Variants in PRKCI observed in about 807,000 individuals in gnomAD.
The protein encoded by PRKCI is protein kinase C iota type.
PRKCI carries 43 observed loss-of-function variants against 84.0 expected under a neutral mutation model. The observed-to-expected ratio is 0.51, with a 90% confidence interval of 0.40 to 0.66. PRKCI has a LOEUF of 0.66. Among genes scored for constraint, PRKCI ranks in the 30% least tolerant of loss-of-function variants. The pLI is 0.00. For synonymous variants in PRKCI, 216 were observed against 234.4 expected (o/e 0.92, Z 0.72); for missense variants, 459 against 745.6 (o/e 0.62, Z 4.48).
In PRKCI at chr3:170,250,773, A is replaced by T. The variant is rs532838356; in HGVS notation, c.224-9196A>T. Among the ~76,000 whole-genome samples the T allele has an allele frequency of 2.6e-5, 4 of 152,268 alleles. No individual in the cohort carries two copies. The East Asian group carries it at 7.7e-4, about 29-fold the overall frequency. On this transcript the variant is annotated intron_variant, in intron 2 of 17. Coordinates refer to ENST00000295797, the MANE Select transcript of PRKCI (RefSeq NM_002740.6). ...CTGTTTAACCTTGTGAGGAACTGCC[A>T]GTTTTCCAGAGTGGCTACACCATTT...
chr3:170,297,100 G>A (rs1429300747), intron 15 of PRKCI, among the ~76,000 whole-genome samples: 8 of 152,154 alleles, frequency 5.3e-5, no homozygotes, highest in South Asian at 2.1e-4. Context: ...TTAATTACAT[G>A]ATGGGTGGAG....
intron 12 of PRKCI, among the ~76,000 whole-genome samples, chr3:170,285,511 A>G (rs963983426): frequency 6.6e-6 from 1 of 152,218 alleles, no homozygotes; most frequent in African/African-American, 2.4e-5. Context: ...CAATACAACA[A>G]CCAGTATGTA....
At chr3:170,290,701 CTT>C (rs1269098102) in intron 12 of PRKCI, among the ~76,000 whole-genome samples, 2 of 151,774 alleles carry the variant, frequency 1.3e-5, no homozygotes, top group African/African-American at 4.8e-5. Context: ...CTTTTTTACT[CTT>C]TGTATTTTGA....
chr3:170,245,410 C>T (rs1259732264), intron 2 of PRKCI, among the ~76,000 whole-genome samples: 1 of 152,102 alleles, frequency 6.6e-6, no homozygotes, highest in Non-Finnish European at 1.5e-5. Context: ...AATAGATTTG[C>T]TTCTGGAAAA....
intron 1 of PRKCI, among the ~76,000 whole-genome samples, chr3:170,224,208 G>A (rs1446265718): frequency 6.6e-6 from 1 of 151,820 alleles, no homozygotes; most frequent in Non-Finnish European, 1.5e-5. Context: ...TAAATTTGCT[G>A]CCATGAAGCC....
At chr3:170,272,935 A>T (rs979172404) in intron 6 of PRKCI, among the ~76,000 whole-genome samples, 7 of 152,208 alleles carry the variant, frequency 4.6e-5, no homozygotes, top group African/African-American at 1.4e-4. Context: ...GACCCCAGCT[A>T]AAGAATGCAT....
At chr3:170,286,559 T>C (rs1383654977) in intron 12 of PRKCI, among the ~76,000 whole-genome samples, 1 of 149,336 alleles carries the variant, frequency 6.7e-6, no homozygotes, top group Admixed American at 6.8e-5. Flanking sequence ...TACAAGAGTT[T>C]AAAGAAATGG....
Position 170,297,310 on chromosome 3 carries a change from A to G in PRKCI, c.1504A>G (p.Lys502Glu). 1 of 1,612,424 alleles carries G rather than the reference A, an allele frequency of 6.2e-7. No individual in the cohort carries two copies. ...AACATTTCTTTCACCATAGGACCCT[A>G]AGGAACGATTGGGTTGTCATCCTCA... The part of the protein sequence containing the change: ...VLKSFLNKDP[K>E]ERLGCHPQTG... Residue 502 changes from lysine (K) to glutamate (E), a missense_variant, in exon 16 of 18, where the codon AAG becomes GAG. Physicochemically the swap from Lys to Glu is moderately conservative, Grantham distance 56 (BLOSUM62 1). Around this residue, in one of 2 missense-constraint regions of PRKCI, gnomAD observed 209 missense variants for 425.9 expected, o/e 0.49. Transcript: ENST00000295797.
intron 11 of PRKCI, 76 bp downstream of exon 11, chr3:170,282,044 G>A: frequency 1.4e-6 from 2 of 1,440,814 alleles, no homozygotes. Context: ...GTTGGAAACA[G>A]TAGATAAATA....
intron 3 of PRKCI, among the ~76,000 whole-genome samples, chr3:170,262,252 TAA>T (rs1733746709): frequency 6.6e-6 from 1 of 152,254 alleles, no homozygotes; most frequent in South Asian, 2.1e-4. Context: ...AATTTATTCC[TAA>T]GTTTAGTATA....
At chr3:170,262,892 C>T (rs1283020277) in intron 3 of PRKCI, among the ~76,000 whole-genome samples, 10 of 149,056 alleles carry the variant, frequency 6.7e-5, no homozygotes, top group Non-Finnish European at 1.0e-4. Context: ...CTTTTGTGGC[C>T]GGGCGCGGTG....
At chr3:170,269,665 T>TA (rs1733951400) in intron 5 of PRKCI, among the ~76,000 whole-genome samples, 1 of 150,854 alleles carries the variant, frequency 6.6e-6, no homozygotes, top group African/African-American at 2.4e-5. Context: ...AATAAATAAA[T>TA]AAAAAGAGAG....
At chr3:170,297,678 A>T (rs935255002) in intron 16 of PRKCI, among the ~76,000 whole-genome samples, 12 of 150,686 alleles carry the variant, frequency 8.0e-5, no homozygotes, top group African/African-American at 2.7e-4. Context: ...CTGGTCTCGA[A>T]CTCCTGACCT....
At chr3:170,244,116 T>C (rs1733209843) in intron 2 of PRKCI, among the ~76,000 whole-genome samples, 1 of 152,210 alleles carries the variant, frequency 6.6e-6, no homozygotes, top group African/African-American at 2.4e-5. Context: ...CATGAGATCC[T>C]GAGTAATAGA....
At position 170,283,702 on chromosome 3, in the gene PRKCI, A is replaced by T. The variant is rs555098918; in HGVS notation, c.1068-759A>T. On this transcript the variant is annotated intron_variant, in intron 11 of 17. Transcript: ENST00000295797. The stretch of plus-strand genomic sequence containing the variant: ...AATGTGCCAGTTTTGGTTTTATACC[A>T]TCTTTGCTTTTGTAAGAACTAAAGC... 5.3e-5 allele frequency among the ~76,000 whole-genome samples: 8 copies of T among 152,300 alleles called. No homozygotes were observed. The South Asian group carries it at 1.7e-3, about 32-fold the overall frequency.
intron 1 of PRKCI, among the ~76,000 whole-genome samples, chr3:170,228,598 C>T (rs918191374): frequency 7.2e-6 from 1 of 138,028 alleles, no homozygotes; most frequent in African/African-American, 2.8e-5. Flanking sequence ...CATACACACA[C>T]ACAAATATAT....
At chr3:170,290,512 C>T (rs1412598208) in intron 12 of PRKCI, among the ~76,000 whole-genome samples, 2 of 151,474 alleles carry the variant, frequency 1.3e-5, no homozygotes, top group Admixed American at 1.3e-4. Context: ...TACATATATT[C>T]TACATGTATA....
At chr3:170,290,072 CAAAA>C (rs34466537) in intron 12 of PRKCI, among the ~76,000 whole-genome samples, 1 of 126,528 alleles carries the variant, frequency 7.9e-6, no homozygotes, top group African/African-American at 2.9e-5. Context: ...AACTCGGTCT[CAAAA>C]AAAAAAAAAA....
intron 12 of PRKCI, among the ~76,000 whole-genome samples, chr3:170,286,755 G>T (rs536677449): frequency 6.6e-6 from 1 of 150,428 alleles, no homozygotes; most frequent in South Asian, 2.1e-4. Flanking sequence ...TGTAGTTTAT[G>T]ATCAATATTA....
Sources: allele counts gnomAD v4.1 joint callset (sites outside exome capture counted in the v4.1 genomes callset), GRCh38; gene constraint gnomAD v4.1.1; regional missense constraint gnomAD v4.1.1; transcripts MANE v1.5; gene names NCBI Gene and HGNC (gene_info 2026-07-23, HGNC 2026-07-21).